Variants in RUFY2 observed in about 807,000 individuals in gnomAD.
RUFY2 encodes RUN and FYVE domain-containing protein 2.
In RUFY2, 49 loss-of-function variants were observed where a neutral mutation model predicts 94.4. The ratio of observed to expected loss-of-function variants is 0.52; its 90% CI spans 0.41 to 0.66. RUFY2 has a LOEUF of 0.66. Among genes scored for constraint, RUFY2 ranks in the 30% least tolerant of loss-of-function variants. The pLI is 0.00. For synonymous variants in RUFY2, 255 were observed against 235.7 expected, an observed-to-expected ratio of 1.08 and a Z score of -0.75; for missense variants, 541 against 692.8, an observed-to-expected ratio of 0.78 and a Z score of 2.46.
intron 16 of RUFY2, chr10:68,346,667 A>G (rs1176531296): frequency 6.6e-6 from 1 of 152,358 alleles, no homozygotes; most frequent in Non-Finnish European, 1.5e-5. Flanking sequence ...GGTACATAGT[A>G]GTTACATATT....
intron 16 of RUFY2, among the ~76,000 whole-genome samples, chr10:68,352,732 A>C (rs561737338): frequency 1.9e-4 from 29 of 152,106 alleles, no homozygotes; most frequent in East Asian, 5.8e-4. Flanking sequence ...AGTTCGAGAC[A>C]AGCCTAGTCA....
At chr10:68,360,361 C>T (rs1433676693) in intron 15 of RUFY2, among the ~76,000 whole-genome samples, 6 of 151,528 alleles carry the variant, frequency 4.0e-5, no homozygotes, top group African/African-American at 1.2e-4. Flanking sequence ...TTTTGGAAGC[C>T]GAAGCAAGAG....
intron 1 of RUFY2, among the ~76,000 whole-genome samples, chr10:68,406,600 CA>C (rs1438395202): frequency 4.6e-5 from 7 of 152,182 alleles, no homozygotes; most frequent in Non-Finnish European, 1.0e-4. Context: ...ACGCGACCCC[CA>C]AACCCGGCCG....
At chr10:68,378,284 T>G (rs2048799649) in intron 12 of RUFY2, 2 of 1,125,508 alleles carry the variant, frequency 1.8e-6, no homozygotes, top group East Asian at 9.5e-5. Flanking sequence ...CATCAAAAAG[T>G]AGCTAAAAAG....
chr10:68,400,725 A>AAT, intron 3 of RUFY2, among the ~76,000 whole-genome samples: 1 of 148,136 alleles, frequency 6.8e-6, no homozygotes, highest in Non-Finnish European at 1.5e-5. Flanking sequence ...AAAAAAAAAG[A>AAT]ATATAGGCTT....
Position 68,376,481 on chromosome 10 carries a change from TATATATA to T in RUFY2, c.1325+365_1325+371del, listed in dbSNP as rs1418774876. ...ATATATATATATATATATATATATA[TATATATA>T]TATTCTCAGAAAACAGCATGTCCTT... On this transcript the variant is annotated intron_variant, in intron 13 of 17. Transcript: ENST00000602465. Among the ~76,000 whole-genome samples, 263 of 69,446 alleles carry T rather than the reference TATATATA, an allele frequency of 3.8e-3. 31 individuals are homozygous for T. Among genetic ancestry groups the T allele is most frequent in the East Asian group, 0.012 (18 of 1,490 alleles). 45.6% of individuals were successfully genotyped at this position (69,446 alleles called of 152,430 possible).
intron 13 of RUFY2, among the ~76,000 whole-genome samples, chr10:68,364,487 C>T (rs1054118963): frequency 6.6e-6 from 1 of 152,172 alleles, no homozygotes; most frequent in African/African-American, 2.4e-5. Context: ...TTGTCTTACA[C>T]TTCTATGCCA....
chr10:68,373,267 T>C (rs2048399242), intron 13 of RUFY2, among the ~76,000 whole-genome samples: 2 of 152,130 alleles, frequency 1.3e-5, no homozygotes, highest in Non-Finnish European at 2.9e-5. Flanking sequence ...CATTCAAAAT[T>C]GCTACAGATA....
chr10:68,374,114 CAAAAAAAAAAAAA>C (rs34041522), intron 13 of RUFY2, among the ~76,000 whole-genome samples: 82 of 59,358 alleles, frequency 1.4e-3, no homozygotes, highest in African/African-American at 4.6e-3. Flanking sequence ...GATCCTGTCC[CAAAAAAAAAAAAA>C]AAAAAAAAAA....
At chr10:68,349,457 G>T (rs2046505163) in intron 16 of RUFY2, among the ~76,000 whole-genome samples, 1 of 151,960 alleles carries the variant, frequency 6.6e-6, no homozygotes, top group African/African-American at 2.4e-5. Context: ...GAAGTTCAAG[G>T]TTACAGTGAG....
chr10:68,386,200 C>A, intron 7 of RUFY2, 72 bp from the exon 8 acceptor site: 1 of 1,233,106 alleles, frequency 8.1e-7, no homozygotes, highest in South Asian at 1.3e-5. Flanking sequence ...ATATGTTATC[C>A]TAGATTTACT....
chr10:68,382,215 AT>A (rs778111970), intron 10 of RUFY2, among the ~76,000 whole-genome samples: 399 of 140,160 alleles, frequency 2.8e-3, no homozygotes, highest in Middle Eastern at 7.4e-3. Context: ...TGACTGGCTA[AT>A]TTTTTTTTTT....
At chr10:68,394,910 T>C (rs1454073407) in intron 4 of RUFY2, among the ~76,000 whole-genome samples, 1 of 151,208 alleles carries the variant, frequency 6.6e-6, no homozygotes, top group African/African-American at 2.4e-5. Flanking sequence ...ATTACAGGCG[T>C]GAGCCACCGC....
intron 13 of RUFY2, among the ~76,000 whole-genome samples, chr10:68,367,099 C>T (rs1359290681): frequency 6.6e-6 from 1 of 150,946 alleles, no homozygotes; most frequent in Non-Finnish European, 1.5e-5. Context: ...ACCCAGGAGG[C>T]GGAGGCTGCA....
chr10:68,359,664 T>G (rs1215757828), intron 15 of RUFY2, among the ~76,000 whole-genome samples: 2 of 148,234 alleles, frequency 1.3e-5, no homozygotes, highest in African/African-American at 4.9e-5. Context: ...AAAATATATA[T>G]AGTAGTAGTA....
intron 12 of RUFY2, chr10:68,378,557 G>A: frequency 3.2e-6 from 5 of 1,571,856 alleles, no homozygotes; most frequent in Non-Finnish European, 3.5e-6. Flanking sequence ...AAATACAAGT[G>A]GTCTTCAGAA....
chr10:68,404,952 G>T, intron 1 of RUFY2, 108 bp from the exon 2 acceptor site: 2 of 868,430 alleles, frequency 2.3e-6, no homozygotes, highest in Non-Finnish European at 3.4e-6. Flanking sequence ...GCTGTTCCTT[G>T]GTTGACAAAT....
downstream of RUFY2, chr10:68,341,617 A>T: frequency 6.2e-7 from 1 of 1,612,598 alleles, no homozygotes; most frequent in South Asian, 1.1e-5. Context: ...CTTGAATTCT[A>T]CTCCTGGAGG....
chr10:68,398,954 T>G (rs1011762030), intron 3 of RUFY2, among the ~76,000 whole-genome samples: 17 of 152,178 alleles, frequency 1.1e-4, no homozygotes, highest in Admixed American at 2.0e-4. Context: ...AGAGTTGAAA[T>G]TCTGTTTTTC....
Sources: allele counts gnomAD v4.1 joint callset (sites outside exome capture counted in the v4.1 genomes callset), GRCh38; gene constraint gnomAD v4.1.1; transcripts MANE v1.5; gene names NCBI Gene and HGNC (gene_info 2026-07-23, HGNC 2026-07-21).